The following KRABD5 variants were observed in gnomAD, a reference collection of about 807,000 sequenced individuals.
KRABD5 encodes the protein KRAB domain containing 5, also known as KRAB domain-containing protein 5.
chr16:31,755,938 C>T, the KRABD5 span: 13 of 165,584 alleles, frequency 7.9e-5, no homozygotes, highest in East Asian at 2.2e-3. Context: ...TACTCTAAAG[C>T]CAAAGCAGTT....
chr16:31,741,712 G>C, the KRABD5 span, among the ~76,000 whole-genome samples: 11 of 151,910 alleles, frequency 7.2e-5, no homozygotes, highest in Middle Eastern at 3.2e-3. Flanking sequence ...CCTTTGTCAG[G>C]TAGATAGTTT....
the KRABD5 span, among the ~76,000 whole-genome samples, chr16:31,729,124 G>A: frequency 8.5e-5 from 13 of 152,082 alleles, no homozygotes. Context: ...TTTATCATTT[G>A]TATGGAATAT....
the KRABD5 span, among the ~76,000 whole-genome samples, chr16:31,719,013 G>A: frequency 2.0e-5 from 3 of 152,218 alleles, no homozygotes; most frequent in African/African-American, 7.2e-5. Flanking sequence ...CTAATACGTG[G>A]ACGAAGAACA....
At chr16:31,754,217 C>A in the KRABD5 span, 2 of 665,654 alleles carry the variant, frequency 3.0e-6, no homozygotes, top group South Asian at 1.6e-5. Context: ...GATTTAAAAA[C>A]GAGGAGGTGA....
chr16:31,716,739 C>G, the KRABD5 span, among the ~76,000 whole-genome samples: 1 of 152,184 alleles, frequency 6.6e-6, no homozygotes, highest in Non-Finnish European at 1.5e-5. Flanking sequence ...GTGCCTGAAT[C>G]TAGCGCCTGC....
chr16:31,722,566 G>A, the KRABD5 span: 1 of 1,584,742 alleles, frequency 6.3e-7, no homozygotes. Context: ...ATCTTGGTTT[G>A]TCAAGTGATG....
chr16:31,755,334 G>A, the KRABD5 span: 2 of 505,118 alleles, frequency 4.0e-6, no homozygotes, highest in Admixed American at 2.1e-5. Context: ...TTTAATTGTA[G>A]TTCACGCCTT....
chr16:31,720,602 T>C, the KRABD5 span, among the ~76,000 whole-genome samples: 1 of 152,236 alleles, frequency 6.6e-6, no homozygotes, highest in African/African-American at 2.4e-5. Flanking sequence ...GACTATGATT[T>C]ACTTTTTTCC....
At chr16:31,750,181 G>C in the KRABD5 span, among the ~76,000 whole-genome samples, 1 of 152,150 alleles carries the variant, frequency 6.6e-6, no homozygotes, top group Non-Finnish European at 1.5e-5. Flanking sequence ...TGTTTTTCCA[G>C]TTGTTTGTGT....
the KRABD5 span, among the ~76,000 whole-genome samples, chr16:31,738,019 G>C: frequency 2.6e-5 from 4 of 151,994 alleles, no homozygotes; most frequent in South Asian, 8.3e-4. Context: ...TTTTCTTTCT[G>C]TTTTTAATTT....
the KRABD5 span, among the ~76,000 whole-genome samples, chr16:31,741,652 G>T: frequency 6.6e-6 from 1 of 151,980 alleles, no homozygotes; most frequent in African/African-American, 2.4e-5. Context: ...TTTTAATGGG[G>T]TTATTTTTTT....
the KRABD5 span, chr16:31,755,378 C>A: frequency 2.0e-6 from 1 of 503,784 alleles, no homozygotes; most frequent in Non-Finnish European, 4.1e-6. Context: ...CGGAGAGAAA[C>A]CCTACATATG....
chr16:31,713,602 C>T, the KRABD5 span: 1 of 1,010,686 alleles, frequency 9.9e-7, no homozygotes, highest in Non-Finnish European at 1.4e-6. Flanking sequence ...GCAGCCGGGA[C>T]CCCGCGCGTC....
chr16:31,753,176 G>C, the KRABD5 span, among the ~76,000 whole-genome samples: 1 of 152,098 alleles, frequency 6.6e-6, no homozygotes, highest in Non-Finnish European at 1.5e-5. Flanking sequence ...TTCTTCTCTG[G>C]ACTACTGTGT....
chr16:31,757,842 GTAGGTAGGTAGATAGATAGA>G, the KRABD5 span: 39 of 136,814 alleles, frequency 2.9e-4, 1 homozygote, highest in East Asian at 5.5e-3. Context: ...AGGTAGGTAG[GTAGGTAGGTAGATAGATAGA>G]TAGATAGATA....
the KRABD5 span, among the ~76,000 whole-genome samples, chr16:31,747,699 G>C: frequency 6.6e-6 from 1 of 152,144 alleles, no homozygotes; most frequent in Middle Eastern, 3.2e-3. Context: ...GTGTGAGATG[G>C]TATCTCATTG....
chr16:31,756,595 T>C, the KRABD5 span: 1 of 152,208 alleles, frequency 6.6e-6, no homozygotes, highest in Non-Finnish European at 1.5e-5. Context: ...TCATGGTTAC[T>C]ATTTTATATT....
chr16:31,753,493 C>T, the KRABD5 span, among the ~76,000 whole-genome samples: 1 of 152,186 alleles, frequency 6.6e-6, no homozygotes, highest in Non-Finnish European at 1.5e-5. Context: ...TGTGTAACTG[C>T]ACTGTGCTGT....
At chr16:31,736,992 A>G in the KRABD5 span, among the ~76,000 whole-genome samples, 1 of 152,192 alleles carries the variant, frequency 6.6e-6, no homozygotes, top group Non-Finnish European at 1.5e-5. Context: ...ACACAGAAAA[A>G]GTATTTGACA....
Sources: gnomAD v4.1 joint callset for allele counts (sites outside exome capture counted in the v4.1 genomes callset) on GRCh38, gnomAD v4.1.1 for gene constraint, MANE v1.5 for transcripts, NCBI Gene and HGNC (gene_info 2026-07-23, HGNC 2026-07-21) for gene names.